The following JMJD1C variants were observed in gnomAD, a reference collection of about 807,000 sequenced individuals.
JMJD1C encodes the protein jumonji domain-containing protein 1C.
JMJD1C carries 31 observed loss-of-function variants against 245.3 expected under a neutral mutation model. That is an observed-to-expected ratio of 0.13 (90% CI 0.09 to 0.17). The LOEUF is 0.17. Among genes scored for constraint, JMJD1C ranks in the 10% least tolerant of loss-of-function variants. The pLI, the probability that JMJD1C is intolerant of heterozygous loss-of-function variation, is 1.00. For synonymous variants in JMJD1C, 1,057 were observed against 1,017.4 expected (o/e 1.04, Z -0.74); for missense variants, 2,691 against 3,000.2 (o/e 0.90, Z 2.41).
chr10:63,176,586 G>T, intron 23 of JMJD1C, 113 bp from the exon 24 acceptor site: 1 of 768,660 alleles, frequency 1.3e-6, no homozygotes, highest in Non-Finnish European at 2.1e-6. Context: ...CAGAATCAAT[G>T]GAACAACTGA....
chr10:63,484,224 GGATGGATGGATGGATAGATAGATA>G lies in JMJD1C; in HGVS notation n.113+37490_113+37513del, dbSNP rs1407205507. On this transcript the variant is annotated intron_variant and non_coding_transcript_variant, in intron 1 of 3. Transcript: ENST00000633035. ...TGGATGGATGGATGGATGGATGGATGGATGGATGGATGGATAGATAGATAGATAGATAGATAGATAGATAGATAA... is the reference window on the plus strand; with the variant it reads ...TGGATGGATGGATGGATGGATGGATGGATAGATAGATAGATAGATAGATAA... Among the ~76,000 whole-genome samples the G allele has an allele frequency of 6.9e-4, 72 of 104,756 alleles. No homozygotes were observed. In the South Asian group the frequency reaches 0.016, roughly 23 times the overall value. The allele number at this position is 104,756 out of a possible 152,430, so 68.7% of individuals were successfully genotyped here. A position where few individuals can be genotyped will look rare whatever the true frequency, so the allele number is the denominator to read the frequency against.
rs762861409 is a variant in JMJD1C, at chr10:63,176,450, T to C, written c.7248A>G (p.Glu2416=). The C allele has an allele frequency of 6.2e-7, 1 of 1,613,266 alleles. No individual in the cohort carries two copies. Among genetic ancestry groups the C allele is most frequent in the Non-Finnish European group, 8.5e-7 (1 of 1,179,586 alleles). ...LQKISKEQGL[E]VLPEHDPIRD... ...GTATTGGATCATGTTCTGGTAGAAC[T>C]TCAAGGCCTTGTTCTTTTGAAATCT... is the stretch of plus-strand genomic sequence containing the variant. The change falls in exon 24 of 26, where the codon GAA becomes GAG. Residue 2416 remains glutamate (E), a synonymous_variant. Transcript: ENST00000399262.
At chr10:63,431,784 C>T (rs1267561584) in intron 1 of JMJD1C, among the ~76,000 whole-genome samples, 1 of 152,140 alleles carries the variant, frequency 6.6e-6, no homozygotes, top group Non-Finnish European at 1.5e-5. Context: ...GAGGCCGAGG[C>T]GGGCGGATCA....
In JMJD1C at chr10:63,471,434, T is replaced by C. The variant is rs182132848; in HGVS notation, n.113+50304A>G. ...GGAAATTTATAATCAAGAACACACGTAATTCAGCAAGGAGCAAAGTATGCT... is the reference window on the plus strand; with the variant it reads ...GGAAATTTATAATCAAGAACACACGCAATTCAGCAAGGAGCAAAGTATGCT... On this transcript the variant is annotated intron_variant and non_coding_transcript_variant, in intron 1 of 3. Transcript: ENST00000633035. Among the ~76,000 whole-genome samples, 113 of 152,292 alleles carry C rather than the reference T, an allele frequency of 7.4e-4. 1 individual carries two copies. In the South Asian group the frequency reaches 7.5e-3, roughly 10 times the overall value.
chr10:63,287,680 T>C (rs1449864555), intron 2 of JMJD1C, among the ~76,000 whole-genome samples: 2 of 152,210 alleles, frequency 1.3e-5, no homozygotes, highest in African/African-American at 4.8e-5. Flanking sequence ...TAAGGAGTCT[T>C]AGAATACCCT....
intron 22 of JMJD1C, among the ~76,000 whole-genome samples, chr10:63,179,537 T>C (rs1843224804): frequency 6.6e-6 from 1 of 151,656 alleles, no homozygotes; most frequent in African/African-American, 2.4e-5. Context: ...CTTTGGGAGG[T>C]TGAGGTGAGT....
At chr10:63,304,544 T>C (rs1937742856) in intron 2 of JMJD1C, among the ~76,000 whole-genome samples, 1 of 152,230 alleles carries the variant, frequency 6.6e-6, no homozygotes, top group South Asian at 2.1e-4. Flanking sequence ...CTCTTGTTTT[T>C]TGGGTTGTCA....
chr10:63,295,933 G>GTATATATATATA (rs1554877069), intron 2 of JMJD1C, among the ~76,000 whole-genome samples: 1 of 55,428 alleles, frequency 1.8e-5, no homozygotes, highest in Admixed American at 1.4e-4. Flanking sequence ...ATGTACATGT[G>GTATATATATATA]TATACATATA....
chr10:63,280,797 G>T (rs914023133), intron 2 of JMJD1C, among the ~76,000 whole-genome samples: 1 of 152,038 alleles, frequency 6.6e-6, no homozygotes, highest in Admixed American at 6.6e-5. Flanking sequence ...ACTCCTGAAT[G>T]TTTCATGTAT....
chr10:63,431,585 G>C (rs934853711), intron 1 of JMJD1C, among the ~76,000 whole-genome samples: 2 of 152,182 alleles, frequency 1.3e-5, no homozygotes, highest in Admixed American at 1.3e-4. Flanking sequence ...ACGATAATAT[G>C]ACGTAATTCT....
chr10:63,421,356 G>C (rs536005310), intron 1 of JMJD1C, among the ~76,000 whole-genome samples: 2 of 152,082 alleles, frequency 1.3e-5, no homozygotes, highest in South Asian at 4.1e-4. Flanking sequence ...GTAAACTTAA[G>C]ATGGCAAAAC....
At chr10:63,211,572 G>A (rs182025489) in intron 8 of JMJD1C, among the ~76,000 whole-genome samples, 4 of 151,774 alleles carry the variant, frequency 2.6e-5, no homozygotes, top group Admixed American at 2.6e-4. Flanking sequence ...CTTTTGGCAT[G>A]ATGAACAGCA....
At chr10:63,387,588 C>T (rs1947708343) in intron 1 of JMJD1C, among the ~76,000 whole-genome samples, 1 of 147,490 alleles carries the variant, frequency 6.8e-6, no homozygotes, top group African/African-American at 2.5e-5. Context: ...ACTTGACAGA[C>T]CTTTTGAAAT....
rs928133063 is a variant in JMJD1C, at chr10:63,392,513, T to TA, written c.169-12032dup. 8.6e-4 allele frequency among the ~76,000 whole-genome samples: 130 copies of TA among 151,196 alleles called. 1 individual carries two copies. The highest frequency in any genetic ancestry group is 2.5e-3 in the African/African-American group (102 of 41,154). ...AGAATATATGAGAAACTCAACAGTT[T>TA]AAAAAAAAATCCCATTAAAAAGTGG... On this transcript the variant is annotated intron_variant, in intron 1 of 25. Coordinates refer to ENST00000399262, the MANE Select transcript of JMJD1C (RefSeq NM_032776.3).
intron 1 of JMJD1C, among the ~76,000 whole-genome samples, chr10:63,397,367 C>A (rs564141020): frequency 2.7e-4 from 41 of 152,216 alleles, no homozygotes; most frequent in Admixed American, 6.5e-4. Context: ...GCATGTGCCA[C>A]CACACCCGGC....
chr10:63,241,677 C>A lies in JMJD1C; in HGVS notation c.448-21694G>T, dbSNP rs1851499578. Among the ~76,000 whole-genome samples, 3 of 152,304 alleles carry A rather than the reference C, an allele frequency of 2.0e-5. No homozygotes were observed. In the South Asian group the frequency reaches 6.2e-4, roughly 32 times the overall value. ...AGGGCCTATCCATTTTCTGTTACAA[C>A]TGACACTTCCTGTCACTTTCCAGGC... On this transcript the variant is annotated intron_variant, in intron 3 of 25. Transcript: ENST00000399262.
At chr10:63,322,674 G>A (rs1190870916) in intron 2 of JMJD1C, among the ~76,000 whole-genome samples, 3 of 151,438 alleles carry the variant, frequency 2.0e-5, no homozygotes, top group East Asian at 2.0e-4. Context: ...TTAGTGGCGC[G>A]CTCCTGTAGT....
At chr10:63,218,690 G>GAT (rs1015251106) in intron 4 of JMJD1C, among the ~76,000 whole-genome samples, 2 of 151,868 alleles carry the variant, frequency 1.3e-5, no homozygotes, top group African/African-American at 4.8e-5. Context: ...CTCCTCTAAG[G>GAT]ATACAATGCA....
intron 1 of JMJD1C, among the ~76,000 whole-genome samples, chr10:63,435,382 A>G (rs946720467): frequency 4.6e-5 from 7 of 152,200 alleles, no homozygotes; most frequent in Admixed American, 3.9e-4. Flanking sequence ...GGAATGACTG[A>G]ATAAATCAAA....
Sources: allele counts gnomAD v4.1 joint callset (sites outside exome capture counted in the v4.1 genomes callset), GRCh38; gene constraint gnomAD v4.1.1; transcripts MANE v1.5; gene names NCBI Gene and HGNC (gene_info 2026-07-23, HGNC 2026-07-21).